Variants in PIEZO1 observed in about 807,000 individuals in gnomAD.
The protein encoded by PIEZO1 is piezo-type mechanosensitive ion channel component 1.
Under a neutral mutation model 297.2 loss-of-function variants are expected in PIEZO1, and 296 were observed. That is an observed-to-expected ratio of 1.00 (90% CI 0.91 to 1.10). The LOEUF (loss-of-function observed/expected upper bound fraction) is 1.10. Ranked by LOEUF, PIEZO1 falls within the 50% of genes least tolerant of loss-of-function variation. The pLI is 0.00. For missense variants in PIEZO1, 5,018 were observed against 3,455.5 expected (o/e 1.45, Z -11.34); for synonymous variants, 2,427 against 1,507.5 (o/e 1.61, Z -14.13).
At chr16:88,730,098 C>G (rs974773876) in intron 22 of PIEZO1, among the ~76,000 whole-genome samples, 1 of 152,220 alleles carries the variant, frequency 6.6e-6, no homozygotes, top group Non-Finnish European at 1.5e-5. Flanking sequence ...CGGTGATGCT[C>G]GAAAGCAGAT....
intron 1 of PIEZO1, among the ~76,000 whole-genome samples, chr16:88,760,070 T>TCCGCGCCTGGCCCACCCC (rs1461833398): frequency 7.1e-6 from 1 of 140,138 alleles, no homozygotes; most frequent in Admixed American, 7.3e-5. Context: ...TGACACCTGG[T>TCCGCGCCTGGCCCACCCC]CCACGCCTGG....
rs144777557 is a variant in PIEZO1 at position 88,733,987 on chromosome 16, CCTGCTG to C, written c.2242_2247del (p.Gln748_Gln749del). ...GAGTCCTCCTCCTCCTCCTCCTCCT[CCTGCTG>C]CTGCTGCTGATGCTCCTGCTGCTCC... On this transcript the variant is annotated inframe_deletion, in exon 17 of 51. Transcript: ENST00000301015. 3.3e-6 allele frequency: 5 copies of C among 1,506,138 alleles called. No individual in the cohort carries two copies. The highest frequency in any genetic ancestry group is 4.5e-6 in the Non-Finnish European group (5 of 1,118,376). The allele number at this position is 1,506,138 out of a possible 1,614,324, so 93.3% of individuals were successfully genotyped here.
intron 1 of PIEZO1, among the ~76,000 whole-genome samples, chr16:88,755,678 C>T (rs1906619468): frequency 6.6e-6 from 1 of 152,094 alleles, no homozygotes; most frequent in Admixed American, 6.5e-5. Context: ...GCTTATACCG[C>T]CTTTTCACCG....
Position 88,734,528 on chromosome 16 carries a change from G to A in PIEZO1, c.2008C>T (p.Leu670=), listed in dbSNP as rs1241919246. The change falls in exon 16 of 51, where the codon CTG becomes TTG. Residue 670 remains leucine, a synonymous_variant. Transcript: ENST00000301015. ...TGFTDEQLGD[L]GLEQFSVSEL... ...GACACGCTGAACTGCTCCAGGCCCA[G>A]GTCCCCCAGCCTGTGGAGGGGCAGC... 4.5e-6 allele frequency: 7 copies of A among 1,543,506 alleles called. No homozygotes were observed. The highest frequency in any genetic ancestry group is 3.6e-4 in the Middle Eastern group (2 of 5,614).
chr16:88,722,753 C>T (rs1027557596), intron 34 of PIEZO1, 64 bp from the exon 35 acceptor site: 3 of 1,527,788 alleles, frequency 2.0e-6, no homozygotes, highest in African/African-American at 2.7e-5. Flanking sequence ...GGGTTTCGTG[C>T]AGTGGGCGCG....
chr16:88,721,732 G>A lies in PIEZO1; in HGVS notation c.5215-6C>T, dbSNP rs1354642048. ...TACTTGACGACCACCGCGATCTGTG[G>A]GGGAGGGGGCTCAGCACGCGGGGAG... is the stretch of plus-strand genomic sequence containing the variant. On this transcript the variant is annotated splice_polypyrimidine_tract_variant and splice_region_variant and intron_variant, in intron 37 of 50. Coordinates refer to ENST00000301015, the MANE Select transcript of PIEZO1 (RefSeq NM_001142864.4). 2 of 1,538,590 alleles carry A rather than the reference G, an allele frequency of 1.3e-6. No individual in the cohort carries two copies. The highest frequency in any genetic ancestry group is 1.8e-6 in the Non-Finnish European group (2 of 1,141,474).
Position 88,733,430 on chromosome 16 carries a change from C to CCAG in PIEZO1, c.2509_2511dup (p.Leu837dup). On this transcript the variant is annotated inframe_insertion, in exon 19 of 51. Coordinates refer to ENST00000301015, the MANE Select transcript of PIEZO1 (RefSeq NM_001142864.4). ...GGCAGGGCGAAGGCCCACAGCACCA[C>CCAG]CAGCAGCAGGTTCATCACCGACACC... The CCAG allele has an allele frequency of 6.5e-7, 1 of 1,549,548 alleles. No individual in the cohort carries two copies. Among genetic ancestry groups the CCAG allele is most frequent in the South Asian group, 1.2e-5 (1 of 84,060 alleles).
At chr16:88,781,662 G>A (rs1907943696) in intron 1 of PIEZO1, among the ~76,000 whole-genome samples, 4 of 152,232 alleles carry the variant, frequency 2.6e-5, no homozygotes, top group African/African-American at 7.2e-5. Context: ...ACAGGCCAGG[G>A]TTCTGTGCAG....
rs960101865 is a variant in PIEZO1 at position 88,782,618 on chromosome 16, A to G, written c.64+2283T>C. On this transcript the variant is annotated intron_variant, in intron 1 of 50. Transcript: ENST00000301015. ...TCAAACCCTCACCAGGCACTGTCTG[A>G]GCCAGCGCAGGCACACACTGACTAA... Among the ~76,000 whole-genome samples, 6 of 152,208 alleles carry G rather than the reference A, an allele frequency of 3.9e-5. No individual in the cohort carries two copies. The South Asian group carries it at 1.2e-3, about 31-fold the overall frequency.
At chr16:88,717,351 A>T (rs1912124200) in intron 44 of PIEZO1, 140 bp from the exon 45 acceptor site, 6 of 714,680 alleles carry the variant, frequency 8.4e-6, no homozygotes, top group Middle Eastern at 5.7e-4. Flanking sequence ...TGGTGGGCAG[A>T]CACAGGCCAG....
chr16:88,758,426 C>T (rs922396465), intron 1 of PIEZO1, among the ~76,000 whole-genome samples: 1 of 152,242 alleles, frequency 6.6e-6, no homozygotes, highest in Admixed American at 6.5e-5. Context: ...CATCGTCACT[C>T]AGCCATCCCC....
chr16:88,757,439 C>T (rs568550458), intron 1 of PIEZO1, among the ~76,000 whole-genome samples: 127 of 150,594 alleles, frequency 8.4e-4, no homozygotes, highest in Non-Finnish European at 1.4e-3. Flanking sequence ...CGGGTGGGAA[C>T]AGGTCTCCAA....
At position 88,726,357 on chromosome 16, in the gene PIEZO1, G is replaced by A. The variant is rs1904430873; in HGVS notation, c.3895C>T (p.Arg1299Cys). The change falls in exon 27 of 51, where the codon CGC becomes TGC. Residue 1299 changes from arginine to cysteine, a missense_variant. Arg to Cys is a radical substitution (Grantham distance 180). Coordinates refer to ENST00000301015, the MANE Select transcript of PIEZO1 (RefSeq NM_001142864.4). ...SVCFFFLLLQ[R>C]RVFLSHYYLH... ...TAGTAATGGCTAAGGAAGACGCGGCGCTGCAGCAGCAGGAAGAAGAAGCAG... is the reference window on the plus strand; with the variant it reads ...TAGTAATGGCTAAGGAAGACGCGGCACTGCAGCAGCAGGAAGAAGAAGCAG... 3.9e-6 allele frequency: 6 copies of A among 1,550,378 alleles called. No individual in the cohort carries two copies. The highest frequency in any genetic ancestry group is 5.2e-6 in the Non-Finnish European group (6 of 1,146,888).
At chr16:88,731,393 G>A (rs191989860) in intron 22 of PIEZO1, 38 of 354,134 alleles carry the variant, frequency 1.1e-4, no homozygotes, top group Admixed American at 7.7e-4. Flanking sequence ...CGGCCGACCC[G>A]CACGGGGCCC....
In PIEZO1 at chr16:88,720,124, G is replaced by A; in HGVS notation, c.6109C>T (p.Leu2037=). Residue 2037 remains leucine, a synonymous_variant, in exon 42 of 51, where the codon CTG becomes TTG. Coordinates refer to ENST00000301015, the MANE Select transcript of PIEZO1 (RefSeq NM_001142864.4). ...ATCCATAGGTGGATGGCCAGCACCAGCGCCACCTGGAAGGCCAGCTTGCCC... is the reference window on the plus strand; with the variant it reads ...ATCCATAGGTGGATGGCCAGCACCAACGCCACCTGGAAGGCCAGCTTGCCC... The part of the protein sequence containing the change: ...VLGKLAFQVA[L]VLAIHLWMFF... 1.3e-6 allele frequency: 2 copies of A among 1,550,430 alleles called. No homozygotes were observed. Among genetic ancestry groups the A allele is most frequent in the Non-Finnish European group, 1.7e-6 (2 of 1,146,986 alleles).
chr16:88,717,809 C>G, intron 44 of PIEZO1: 2 of 449,574 alleles, frequency 4.4e-6, no homozygotes, highest in South Asian at 1.6e-5. Context: ...GCCAATGTAT[C>G]TGCAGAAAAA....
Position 88,775,970 on chromosome 16 carries a change from G to C in PIEZO1, c.64+8931C>G, listed in dbSNP as rs189420712. ...TCACTGCAGATTAAAGCCACGGGAG[G>C]CGCCAACCAGAGCCGGAGCCTGGCT... On this transcript the variant is annotated intron_variant, in intron 1 of 50. Transcript: ENST00000301015. 8.5e-3 allele frequency among the ~76,000 whole-genome samples: 1,294 copies of C among 152,296 alleles called. 8 individuals are homozygous for C. The highest frequency in any genetic ancestry group is 0.011 in the Non-Finnish European group (723 of 68,006).
At chr16:88,749,020 A>G (rs11642589) in intron 2 of PIEZO1, among the ~76,000 whole-genome samples, 73,492 of 148,224 alleles carry the variant, frequency 0.5, 18,418 homozygotes, top group East Asian at 0.61. Context: ...GGCGGATCAC[A>G]AGGTCAGGAG....
chr16:88,746,291 T>TG (rs1014282927), intron 2 of PIEZO1, among the ~76,000 whole-genome samples: 3 of 151,616 alleles, frequency 2.0e-5, no homozygotes, highest in Admixed American at 6.6e-5. Context: ...TGGTAAGAGG[T>TG]GGGGGGTGAT....
Sources: gnomAD v4.1 joint callset for allele counts (sites outside exome capture counted in the v4.1 genomes callset) on GRCh38, gnomAD v4.1.1 for gene constraint, MANE v1.5 for transcripts, NCBI Gene and HGNC (gene_info 2026-07-23, HGNC 2026-07-21) for gene names.